STK3: variants seen among roughly 807,000 people sequenced by gnomAD.
STK3 encodes serine/threonine-protein kinase 3.
In STK3, 41 loss-of-function variants were observed where a neutral mutation model predicts 58.0. That is an observed-to-expected ratio of 0.71 (90% CI 0.55 to 0.92). The LOEUF is 0.92. Ranked by LOEUF, STK3 falls within the 40% of genes least tolerant of loss-of-function variation. The pLI, the probability that STK3 is intolerant of heterozygous loss-of-function variation, is 0.00. For missense variants in STK3, 479 were observed against 602.7 expected (o/e 0.79, Z 2.15); for synonymous variants, 170 against 191.0 (o/e 0.89, Z 0.91).
intron 6 of STK3, among the ~76,000 whole-genome samples, chr8:98,657,848 TCTAC>T (rs1316972743): frequency 6.6e-5 from 10 of 152,148 alleles, no homozygotes; most frequent in African/African-American, 1.9e-4. Flanking sequence ...AGAATAACAG[TCTAC>T]CTACCACCCC....
At chr8:98,517,756 A>G (rs1250996182) in intron 10 of STK3, among the ~76,000 whole-genome samples, 2 of 152,072 alleles carry the variant, frequency 1.3e-5, no homozygotes, top group African/African-American at 4.8e-5. Flanking sequence ...TTCAAAAGGT[A>G]AACACTGTTG....
intron 8 of STK3, among the ~76,000 whole-genome samples, chr8:98,549,386 A>G (rs891777929): frequency 2.0e-5 from 3 of 152,162 alleles, no homozygotes; most frequent in African/African-American, 7.2e-5. Context: ...TCGCACGCTT[A>G]TTAGCCATTT....
intron 4 of STK3, among the ~76,000 whole-genome samples, chr8:98,713,375 G>A (rs1295763284): frequency 6.6e-6 from 1 of 151,894 alleles, no homozygotes; most frequent in African/African-American, 2.4e-5. Context: ...CAACAAAATA[G>A]ACCGCTAGCA....
chr8:98,401,443 A>T (rs1318468814), exon 4 of STK3: 1 of 152,214 alleles, frequency 6.6e-6, no homozygotes, highest in Non-Finnish European at 1.5e-5. Flanking sequence ...TAACAGAGAC[A>T]ATTTGGCTCA....
downstream of STK3, among the ~76,000 whole-genome samples, chr8:98,367,356 C>T (rs1177005029): frequency 6.6e-6 from 1 of 152,188 alleles, no homozygotes; most frequent in Non-Finnish European, 1.5e-5. Context: ...GGGGTGAGTG[C>T]TTAGGGATAG....
chr8:98,726,542 A>C (rs1194049923), intron 4 of STK3, among the ~76,000 whole-genome samples: 2 of 152,150 alleles, frequency 1.3e-5, no homozygotes, highest in Admixed American at 1.3e-4. Context: ...CAGAACTCAT[A>C]CTCACTCCAT....
rs369658468 is a variant in STK3 at position 98,579,833 on chromosome 8, C to A, written c.823-44G>T. The stretch of plus-strand genomic sequence containing the variant: ...ATGGTATAAATTCAAAAGATTTTTC[C>A]GAATTATAGCTAACAAATGTTAAAA... On this transcript the variant is annotated intron_variant, in intron 7 of 10. Coordinates refer to ENST00000419617, the MANE Select transcript of STK3 (RefSeq NM_006281.4). The A allele has an allele frequency of 3.3e-6, 5 of 1,493,430 alleles. No homozygotes were observed. In the African/African-American group the frequency reaches 4.3e-5, roughly 13 times the overall value. 92.5% of individuals were successfully genotyped at this position (1,493,430 alleles called of 1,614,324 possible).
intron 1 of STK3, among the ~76,000 whole-genome samples, chr8:98,444,202 A>G (rs1163368163): frequency 6.6e-6 from 1 of 152,238 alleles, no homozygotes; most frequent in African/African-American, 2.4e-5. Flanking sequence ...ATCTGGGTAT[A>G]CAGAGGAGGT....
chr8:98,500,786 C>T (rs1230635002), intron 10 of STK3, among the ~76,000 whole-genome samples: 1 of 152,286 alleles, frequency 6.6e-6, no homozygotes, highest in African/African-American at 2.4e-5. Flanking sequence ...ATACGTGCCA[C>T]ATCTTTGTAA....
chr8:98,385,695 G>A (rs998680130), intron 1 of STK3, among the ~76,000 whole-genome samples: 7 of 152,152 alleles, frequency 4.6e-5, no homozygotes, highest in Non-Finnish European at 8.8e-5. Context: ...TGGGCGGGGG[G>A]AGATGCAGCA....
chr8:98,744,407 A>T (rs535297837), intron 4 of STK3, among the ~76,000 whole-genome samples: 1 of 152,192 alleles, frequency 6.6e-6, no homozygotes, highest in African/African-American at 2.4e-5. Context: ...AGCCACAAAA[A>T]ATAATGAGTT....
chr8:98,870,260 G>T (rs1312661568), intron 3 of STK3, among the ~76,000 whole-genome samples: 1 of 152,182 alleles, frequency 6.6e-6, no homozygotes, highest in African/African-American at 2.4e-5. Flanking sequence ...CATTTGGGTT[G>T]GTTCCAAGTC....
chr8:98,535,001 A>G (rs188257401), intron 9 of STK3, among the ~76,000 whole-genome samples: 1 of 152,300 alleles, frequency 6.6e-6, no homozygotes, highest in East Asian at 1.9e-4. Flanking sequence ...ATTCTGTAAT[A>G]GAATTATATA....
At chr8:98,392,698 T>C (rs1817859778), upstream of STK3, among the ~76,000 whole-genome samples, 1 of 152,184 alleles carries the variant, frequency 6.6e-6, no homozygotes, top group Non-Finnish European at 1.5e-5. Context: ...AACATGATAC[T>C]GGTTTCTACT....
At chr8:98,753,945 A>G (rs1288298845) in intron 3 of STK3, among the ~76,000 whole-genome samples, 8 of 152,200 alleles carry the variant, frequency 5.3e-5, no homozygotes, top group Non-Finnish European at 1.2e-4. Context: ...TTAAAACAAA[A>G]GTAAAACAAG....
At chr8:98,745,192 T>C (rs1246037878) in intron 4 of STK3, among the ~76,000 whole-genome samples, 2 of 152,204 alleles carry the variant, frequency 1.3e-5, no homozygotes, top group African/African-American at 4.8e-5. Flanking sequence ...AAAAGCTTGC[T>C]ATATAAAGGA....
chr8:98,850,428 G>A (rs1836413661), intron 3 of STK3, among the ~76,000 whole-genome samples: 1 of 152,174 alleles, frequency 6.6e-6, no homozygotes, highest in Admixed American at 6.5e-5. Context: ...TAATGGAGGA[G>A]GAAGCCAAGA....
intron 6 of STK3, chr8:98,633,948 T>C (rs929613990): frequency 3.6e-5 from 8 of 224,596 alleles, no homozygotes; most frequent in African/African-American, 6.9e-5. Context: ...AGAATAAACA[T>C]ACATTCACAA....
chr8:98,799,262 C>T (rs1301076809), intron 1 of STK3, among the ~76,000 whole-genome samples: 7 of 151,884 alleles, frequency 4.6e-5, no homozygotes, highest in South Asian at 2.1e-4. Context: ...CCCAAAGTGA[C>T]GGCAGTCTTA....
Sources: gnomAD v4.1 joint callset for allele counts (sites outside exome capture counted in the v4.1 genomes callset) on GRCh38, gnomAD v4.1.1 for gene constraint, MANE v1.5 for transcripts, NCBI Gene and HGNC (gene_info 2026-07-23, HGNC 2026-07-21) for gene names.